NSUN7: variants seen among roughly 807,000 people sequenced by gnomAD.
NSUN7 encodes the protein NOP2/Sun RNA methyltransferase family member 7, also known as protein NSUN7.
In NSUN7, 39 loss-of-function variants were observed where a neutral mutation model predicts 58.5. That is an observed-to-expected ratio of 0.67 (90% CI 0.52 to 0.87). The LOEUF is 0.87. Ranked by LOEUF, NSUN7 falls within the 40% of genes least tolerant of loss-of-function variation. The pLI, the probability that NSUN7 is intolerant of heterozygous loss-of-function variation, is 0.00. For synonymous variants in NSUN7, 278 were observed against 303.7 expected (o/e 0.92, Z 0.88); for missense variants, 765 against 844.1 (o/e 0.91, Z 1.16).
At chr4:40,807,715 T>TA (rs1476417847) in intron 11 of NSUN7, among the ~76,000 whole-genome samples, 1 of 152,042 alleles carries the variant, frequency 6.6e-6, no homozygotes, top group African/African-American at 2.4e-5. Flanking sequence ...TCCCCAAGCA[T>TA]TTTGTAACAT....
At chr4:40,768,494 AAAGACTAACTCT>A (rs1481806069) in intron 4 of NSUN7, among the ~76,000 whole-genome samples, 1 of 152,126 alleles carries the variant, frequency 6.6e-6, no homozygotes, top group East Asian at 1.9e-4. Flanking sequence ...TCGGCCAGAT[AAAGACTAACTCT>A]AAGAGGTTAT....
At chr4:40,750,536 G>A in intron 1 of NSUN7, 67 bp from the exon 2 acceptor site, 3 of 755,998 alleles carry the variant, frequency 4.0e-6, no homozygotes, top group Non-Finnish European at 6.1e-6. Context: ...AGGCCACAAC[G>A]AAGGGGGCCA....
chr4:40,763,892 C>G (rs1220696389), intron 4 of NSUN7, among the ~76,000 whole-genome samples: 1 of 152,024 alleles, frequency 6.6e-6, no homozygotes, highest in South Asian at 2.1e-4. Context: ...TATTCCTAAT[C>G]AGTCACATTG....
At chr4:40,785,062 T>C (rs900121874) in intron 7 of NSUN7, among the ~76,000 whole-genome samples, 1 of 152,140 alleles carries the variant, frequency 6.6e-6, no homozygotes, top group East Asian at 1.9e-4. Flanking sequence ...TTTTAGAGAC[T>C]GGGTCTCACT....
At chr4:40,777,863 T>C (rs1170502531) in intron 7 of NSUN7, among the ~76,000 whole-genome samples, 1 of 152,164 alleles carries the variant, frequency 6.6e-6, no homozygotes, top group African/African-American at 2.4e-5. Context: ...GCCTCTCAAG[T>C]AGCTGAAATT....
At chr4:40,759,427 G>A (rs191866651) in intron 2 of NSUN7, among the ~76,000 whole-genome samples, 10 of 152,290 alleles carry the variant, frequency 6.6e-5, no homozygotes, top group Admixed American at 4.6e-4. Flanking sequence ...ATGTCCACTT[G>A]TTTCTACGTA....
intron 8 of NSUN7, among the ~76,000 whole-genome samples, chr4:40,793,385 T>G (rs1345172143): frequency 6.6e-6 from 1 of 152,178 alleles, no homozygotes; most frequent in Non-Finnish European, 1.5e-5. Context: ...GAGGTTGCAG[T>G]GAGCCGAGAT....
intron 10 of NSUN7, among the ~76,000 whole-genome samples, chr4:40,799,149 C>A (rs151281432): frequency 0.018 from 2,291 of 128,870 alleles, 63 homozygotes; most frequent in African/African-American, 0.065. Context: ...GCAGTGGCAC[C>A]ATTTCGATTC....
chr4:40,769,342 C>T (rs1741890054), intron 4 of NSUN7, among the ~76,000 whole-genome samples: 1 of 152,174 alleles, frequency 6.6e-6, no homozygotes, highest in Admixed American at 6.5e-5. Flanking sequence ...CTACTGTAAA[C>T]AACTAGAAAA....
At chr4:40,786,105 C>A in intron 7 of NSUN7, 3 of 1,551,576 alleles carry the variant, frequency 1.9e-6, no homozygotes, top group South Asian at 2.5e-5. Flanking sequence ...TTTATTTGCA[C>A]CTGGAAATGG....
chr4:40,789,618 G>A (rs1742988175), intron 7 of NSUN7, among the ~76,000 whole-genome samples: 1 of 152,130 alleles, frequency 6.6e-6, no homozygotes. Context: ...GATTGACTGT[G>A]AATGGTTCAC....
chr4:40,765,743 C>T (rs1166777820), intron 4 of NSUN7, among the ~76,000 whole-genome samples: 1 of 152,084 alleles, frequency 6.6e-6, no homozygotes, highest in South Asian at 2.1e-4. Context: ...TCTTGGTATC[C>T]TCTTTTATTT....
At chr4:40,807,727 T>G (rs1743870704) in intron 11 of NSUN7, among the ~76,000 whole-genome samples, 2 of 152,000 alleles carry the variant, frequency 1.3e-5, no homozygotes, top group South Asian at 4.1e-4. Flanking sequence ...TTGTAACATC[T>G]AGTGCATCTT....
intron 10 of NSUN7, among the ~76,000 whole-genome samples, chr4:40,799,529 C>T (rs924668405): frequency 2.7e-5 from 4 of 150,906 alleles, no homozygotes; most frequent in Non-Finnish European, 4.4e-5. Context: ...ATATGGCAAA[C>T]GTGGAGGAAT....
At chr4:40,761,035 C>T (rs1435765756) in intron 3 of NSUN7, 136 bp from the exon 4 acceptor site, 2 of 648,480 alleles carry the variant, frequency 3.1e-6, no homozygotes, top group Non-Finnish European at 5.0e-6. Flanking sequence ...GAAGACCTTC[C>T]CAATCCAATC....
chr4:40,791,304 T>C (rs1743063890), intron 8 of NSUN7, among the ~76,000 whole-genome samples: 1 of 152,346 alleles, frequency 6.6e-6, no homozygotes, highest in South Asian at 2.1e-4. Flanking sequence ...TATTGGCTTT[T>C]AAATACATTT....
At chr4:40,796,143 G>A (rs1275307164) in intron 9 of NSUN7, among the ~76,000 whole-genome samples, 3 of 152,128 alleles carry the variant, frequency 2.0e-5, no homozygotes, top group East Asian at 3.8e-4. Flanking sequence ...CAAACCTGGC[G>A]GATCACTTGA....
chr4:40,785,643 G>T (rs1239554061), intron 7 of NSUN7, among the ~76,000 whole-genome samples: 1 of 150,864 alleles, frequency 6.6e-6, no homozygotes, highest in Non-Finnish European at 1.5e-5. Context: ...TTACAGGCGT[G>T]AGCCACCATG....
At chr4:40,802,253 T>C (rs965788912) in intron 10 of NSUN7, among the ~76,000 whole-genome samples, 10 of 151,898 alleles carry the variant, frequency 6.6e-5, no homozygotes, top group Non-Finnish European at 1.5e-4. Flanking sequence ...TGTAATTCTA[T>C]TCCATTGACG....
Sources: gnomAD v4.1 joint callset for allele counts (sites outside exome capture counted in the v4.1 genomes callset) on GRCh38, gnomAD v4.1.1 for gene constraint, MANE v1.5 for transcripts, NCBI Gene and HGNC (gene_info 2026-07-23, HGNC 2026-07-21) for gene names.